MVB12A: variants seen among roughly 807,000 people sequenced by gnomAD.
MVB12A encodes the protein multivesicular body subunit 12A, also known as CIN85/CD2AP family binding protein.
In MVB12A, 30 loss-of-function variants were observed where a neutral mutation model predicts 34.3. The observed-to-expected ratio is 0.88, with a 90% CI of 0.65 to 1.19. MVB12A has a LOEUF of 1.19. MVB12A is among the 50% of genes most tolerant of loss of function. MVB12A has a pLI of 0.00. For synonymous variants in MVB12A, 158 were observed against 158.9 expected (o/e 0.99, Z 0.04); for missense variants, 355 against 369.2 (o/e 0.96, Z 0.31).
chr19:17,415,709 TTAAA>T (rs1174756800), upstream of MVB12A: 6 of 149,922 alleles, frequency 4.0e-5, no homozygotes, highest in African/African-American at 1.5e-4. Flanking sequence ...GGCTGCCGGC[TTAAA>T]TAAAGGACTC....
At chr19:17,407,914 G>A (rs1279112982) in intron 2 of MVB12A, among the ~76,000 whole-genome samples, 1 of 152,230 alleles carries the variant, frequency 6.6e-6, no homozygotes, top group Non-Finnish European at 1.5e-5. Context: ...CGTCTTCCCA[G>A]ACGCTGGCGT....
chr19:17,416,566 C>T (rs1211350809), upstream of MVB12A, among the ~76,000 whole-genome samples: 2 of 152,044 alleles, frequency 1.3e-5, no homozygotes, highest in African/African-American at 4.8e-5. Flanking sequence ...CAGGCGCCTG[C>T]CACCAAGCCT....
chr19:17,410,940 A>G lies in MVB12A; in HGVS notation c.-5+4644A>G, dbSNP rs559016351. Among the ~76,000 whole-genome samples, 4 of 146,208 alleles carry G rather than the reference A, an allele frequency of 2.7e-5. No individual in the cohort carries two copies. The South Asian group carries it at 8.6e-4, about 31-fold the overall frequency. ...GAGACTCTGTCTCAAAAAAAAAAAAAAAGAAAAGAAACATTTTATTTTATT... is the reference window on the plus strand; with the variant it reads ...GAGACTCTGTCTCAAAAAAAAAAAAGAAGAAAAGAAACATTTTATTTTATT... On this transcript the variant is annotated intron_variant, in intron 2 of 6. Transcript: ENST00000528604.
Position 17,410,512 on chromosome 19 carries a change from A to ATATATATATATATT in MVB12A, c.-5+4229_-5+4230insTTATATATATATAT, listed in dbSNP as rs1555734698. Among the ~76,000 whole-genome samples the ATATATATATATATT allele has an allele frequency of 2.5e-4, 29 of 114,406 alleles. 1 individual carries two copies. In the East Asian group the frequency reaches 6.6e-3, roughly 26 times the overall value. 75.1% of individuals were successfully genotyped at this position (114,406 alleles called of 152,430 possible). A position where few individuals can be genotyped will look rare whatever the true frequency, so the allele number is the denominator to read the frequency against. Reference sequence around the variant, plus strand: ...GTTTTAGCTTCATATATATATATATATATATATATATATATATACACACAC... The same window carrying ATATATATATATATT: ...GTTTTAGCTTCATATATATATATATATATATATATATATTTATATATATATATATATACACACAC... On this transcript the variant is annotated intron_variant, in intron 2 of 6. Coordinates refer to the MVB12A transcript ENST00000528604.
chr19:17,422,813 G>T (rs181444712), intron 4 of MVB12A: 3,177 of 155,034 alleles, frequency 0.02, 43 homozygotes, highest in Non-Finnish European at 0.029. Flanking sequence ...AGCCGGGTAT[G>T]GTGGCACACG....
In MVB12A at chr19:17,423,800, G is replaced by T; in HGVS notation, c.640+1G>T. Reference sequence around the variant, plus strand: ...GCCTCCAGCCTCTATGGCATCTCAGGTGAGCACAGAGTGGGGAAACTGAGG... The same window carrying T: ...GCCTCCAGCCTCTATGGCATCTCAGTTGAGCACAGAGTGGGGAAACTGAGG... On this transcript the variant is annotated splice_donor_variant, in intron 6 of 8. Coordinates refer to ENST00000317040, the MANE Select transcript of MVB12A (RefSeq NM_138401.4). LOFTEE classifies it high-confidence loss of function. The T allele has an allele frequency of 6.2e-7, 1 of 1,613,616 alleles. No homozygotes were observed. Among genetic ancestry groups the T allele is most frequent in the Non-Finnish European group, 8.5e-7 (1 of 1,179,614 alleles).
chr19:17,412,795 G>T (rs1176549102), intron 2 of MVB12A, among the ~76,000 whole-genome samples: 1 of 152,200 alleles, frequency 6.6e-6, no homozygotes, highest in Admixed American at 6.6e-5. Context: ...AAGGAGTAAA[G>T]GAAAGATTAA....
chr19:17,420,362 C>T lies in MVB12A; in HGVS notation c.140C>T (p.Ala47Val), dbSNP rs147670744. Residue 47 changes from alanine (A) to valine (V), a missense_variant, in exon 2 of 9, where the codon GCG becomes GTG. Ala to Val is a moderately conservative substitution (Grantham distance 64). Coordinates refer to ENST00000317040, the MANE Select transcript of MVB12A (RefSeq NM_138401.4). ...CCCGCCAGCTTTGGCAAGAGCTTCGCGCAGAAATCTGGCTACTTCCTGTGC... is the reference window on the plus strand; with the variant it reads ...CCCGCCAGCTTTGGCAAGAGCTTCGTGCAGAAATCTGGCTACTTCCTGTGC... ...GAPASFGKSFAQKSGYFLCLS... is the reference protein window; with the variant it reads ...GAPASFGKSFVQKSGYFLCLS... 71 of 1,613,364 alleles carry T rather than the reference C, an allele frequency of 4.4e-5. No individual in the cohort carries two copies. The highest frequency in any genetic ancestry group is 1.6e-4 in the Middle Eastern group (1 of 6,076).
intron 7 of MVB12A, 86 bp from the exon 8 acceptor site, chr19:17,424,535 G>T (rs144132882): frequency 3.7e-6 from 5 of 1,357,730 alleles, no homozygotes; most frequent in African/African-American, 1.4e-5. Context: ...GGGAGTGTTG[G>T]GGGGAGGGCA....
chr19:17,420,106 C>G lies in MVB12A; in HGVS notation c.-30C>G. On this transcript the variant is annotated 5_prime_UTR_variant, in exon 1 of 9. Coordinates refer to ENST00000317040, the MANE Select transcript of MVB12A (RefSeq NM_138401.4). ...CTCCGAGGTTCGAGGCTGTGCCCCGCGACCCCGCCTTCGGCGCTCGGCTCG... is the reference window on the plus strand; with the variant it reads ...CTCCGAGGTTCGAGGCTGTGCCCCGGGACCCCGCCTTCGGCGCTCGGCTCG... 1 of 1,322,966 alleles carries G rather than the reference C, an allele frequency of 7.6e-7. No homozygotes were observed. 82.0% of individuals were successfully genotyped at this position (1,322,966 alleles called of 1,614,324 possible).
At chr19:17,417,280 C>A, upstream of MVB12A, 1 of 172,870 alleles carries the variant, frequency 5.8e-6, no homozygotes, top group South Asian at 9.4e-5. Flanking sequence ...CGGATTTGAT[C>A]TTGGGGTGGA....
intron 2 of MVB12A, among the ~76,000 whole-genome samples, chr19:17,410,525 T>C (rs1301982985): frequency 0.011 from 854 of 75,142 alleles, 78 homozygotes; most frequent in African/African-American, 0.051. Context: ...TATATATATA[T>C]ATATACACAC....
At chr19:17,424,794 C>A in intron 8 of MVB12A, 117 bp downstream of exon 8, 1 of 1,386,424 alleles carries the variant, frequency 7.2e-7, no homozygotes, top group Non-Finnish European at 1.0e-6. Context: ...CCCGCTTTGC[C>A]CCAGACACAC....
At chr19:17,405,870 G>GTGCCTCTGC (rs1284464846) in intron 1 of MVB12A, 3 of 332,268 alleles carry the variant, frequency 9.0e-6, no homozygotes, top group African/African-American at 6.4e-5. Context: ...TTAAGTCCCT[G>GTGCCTCTGC]TGCCTCTGCT....
At chr19:17,414,424 G>T (rs889844298) in intron 2 of MVB12A, 1 of 152,254 alleles carries the variant, frequency 6.6e-6, no homozygotes, top group Non-Finnish European at 1.5e-5. Flanking sequence ...GGAGGACCTC[G>T]TTCTTAGGCA....
chr19:17,423,894 C>A, intron 6 of MVB12A, 95 bp downstream of exon 6: 1 of 1,560,706 alleles, frequency 6.4e-7, no homozygotes, highest in Non-Finnish European at 8.8e-7. Flanking sequence ...TTCCCTCTCC[C>A]AACTCTGGAT....
At chr19:17,421,994 A>AGT (rs2145762502) in intron 3 of MVB12A, 1 of 177,134 alleles carries the variant, frequency 5.6e-6, no homozygotes, top group East Asian at 1.4e-4. Flanking sequence ...CATGGGTGCT[A>AGT]GTTGTCCAAC....
intron 2 of MVB12A, chr19:17,413,408 C>T (rs1424943463): frequency 2.0e-5 from 3 of 152,176 alleles, no homozygotes; most frequent in Non-Finnish European, 4.4e-5. Flanking sequence ...GATCTTGGCT[C>T]ACTGCAGCCT....
intron 2 of MVB12A, among the ~76,000 whole-genome samples, chr19:17,412,927 T>C (rs1386932080): frequency 1.3e-5 from 2 of 152,166 alleles, no homozygotes; most frequent in African/African-American, 4.8e-5. Flanking sequence ...ACTGGTTCCG[T>C]GGACAAGGGG....
Sources: gnomAD v4.1 joint callset for allele counts (sites outside exome capture counted in the v4.1 genomes callset) on GRCh38, gnomAD v4.1.1 for gene constraint, MANE v1.5 for transcripts, NCBI Gene and HGNC (gene_info 2026-07-23, HGNC 2026-07-21) for gene names.